RSRC1: variants seen among roughly 807,000 people sequenced by gnomAD.
The protein encoded by RSRC1 is arginine and serine rich coiled-coil 1, also known as serine/Arginine-related protein 53.
RSRC1 carries 39 observed loss-of-function variants against 49.1 expected under a neutral mutation model. The observed-to-expected ratio is 0.79, with a 90% CI of 0.61 to 1.04. RSRC1 has a LOEUF of 1.04. RSRC1 is among the 50% of genes least tolerant of loss of function. The pLI is 0.00. For missense variants in RSRC1, 388 were observed against 402.4 expected (o/e 0.96, Z 0.31); for synonymous variants, 143 against 130.8 (o/e 1.09, Z -0.63).
chr3:158,438,594 G>C (rs945353177), intron 6 of RSRC1, among the ~76,000 whole-genome samples: 2 of 152,174 alleles, frequency 1.3e-5, no homozygotes. Context: ...AATAAATGGT[G>C]CTGGGAAAAC....
At chr3:158,188,172 C>G (rs570720305) in intron 3 of RSRC1, among the ~76,000 whole-genome samples, 40 of 151,920 alleles carry the variant, frequency 2.6e-4, no homozygotes, top group African/African-American at 8.9e-4. Context: ...TCCACTCTGG[C>G]TAGTGGGAAC....
intron 4 of RSRC1, among the ~76,000 whole-genome samples, chr3:158,214,265 T>C (rs965601352): frequency 1.3e-5 from 2 of 151,844 alleles, no homozygotes; most frequent in African/African-American, 4.8e-5. Context: ...TTGTTGAGTT[T>C]ATATTCATAG....
intron 3 of RSRC1, among the ~76,000 whole-genome samples, chr3:158,196,520 A>C (rs1004309853): frequency 6.5e-4 from 99 of 152,292 alleles, no homozygotes; most frequent in East Asian, 1.5e-3. Context: ...TGCCCTGGCC[A>C]GAACTTCTAA....
At chr3:158,228,975 T>C (rs1182466865) in intron 4 of RSRC1, among the ~76,000 whole-genome samples, 2 of 129,796 alleles carry the variant, frequency 1.5e-5, no homozygotes, top group Non-Finnish European at 3.3e-5. Flanking sequence ...CGTGTATATG[T>C]GTGTATAAAC....
rs1230649090 is a variant in RSRC1 at position 158,353,995 on chromosome 3, C to CTTTTTTT, written c.532-847_532-841dup. 5.3e-3 allele frequency among the ~76,000 whole-genome samples: 508 copies of CTTTTTTT among 96,242 alleles called. 1 individual carries two copies. The highest frequency in any genetic ancestry group is 0.01 in the African/African-American group (246 of 24,228). 63.1% of individuals were successfully genotyped at this position (96,242 alleles called of 152,430 possible). On this transcript the variant is annotated intron_variant, in intron 5 of 9. Coordinates refer to ENST00000611884, the MANE Select transcript of RSRC1 (RefSeq NM_001271838.2). ...TAGGAAATTAGTTTAGTTTCTTTTT[C>CTTTTTTT]TTTTTTTTTTTTTTTTTTTTTGAGA... is the stretch of plus-strand genomic sequence containing the variant.
chr3:158,264,579 C>T (rs1041798695), intron 4 of RSRC1, among the ~76,000 whole-genome samples: 1 of 152,212 alleles, frequency 6.6e-6, no homozygotes, highest in Non-Finnish European at 1.5e-5. Context: ...TCCACTTGTT[C>T]TATCAAATAT....
At chr3:158,482,021 A>G (rs2108436936) in intron 7 of RSRC1, among the ~76,000 whole-genome samples, 2 of 152,188 alleles carry the variant, frequency 1.3e-5, no homozygotes, top group African/African-American at 4.8e-5. Context: ...CATTTTGAAA[A>G]TGCAGAATTT....
chr3:158,401,104 T>C (rs141131066), intron 6 of RSRC1, among the ~76,000 whole-genome samples: 2,638 of 152,174 alleles, frequency 0.017, 48 homozygotes, highest in Admixed American at 0.076. Context: ...TAGGCTATAC[T>C]GTATAGCCTA....
At chr3:158,408,757 C>A (rs1291376988) in intron 6 of RSRC1, among the ~76,000 whole-genome samples, 2 of 152,038 alleles carry the variant, frequency 1.3e-5, no homozygotes, top group African/African-American at 2.4e-5. Context: ...CCAGGCCAGG[C>A]GTGGTGGCTC....
At chr3:158,442,823 CAGTA>C (rs1456310855) in intron 6 of RSRC1, among the ~76,000 whole-genome samples, 2 of 151,968 alleles carry the variant, frequency 1.3e-5, no homozygotes, top group African/African-American at 4.8e-5. Context: ...ATTTCTTAAA[CAGTA>C]AGACTTGGAA....
At chr3:158,469,471 T>C (rs1738031144) in intron 7 of RSRC1, 2 of 373,068 alleles carry the variant, frequency 5.4e-6, no homozygotes, top group Non-Finnish European at 1.0e-5. Context: ...CAAAGTCTTA[T>C]ACTATACTTC....
At chr3:158,209,878 A>G (rs1721566925) in intron 4 of RSRC1, among the ~76,000 whole-genome samples, 1 of 152,172 alleles carries the variant, frequency 6.6e-6, no homozygotes, top group Non-Finnish European at 1.5e-5. Context: ...AGTACCATGT[A>G]GTAATCATAC....
intron 7 of RSRC1, among the ~76,000 whole-genome samples, chr3:158,464,825 A>G (rs11923794): frequency 0.013 from 1,956 of 152,170 alleles, 46 homozygotes; most frequent in African/African-American, 0.044. Context: ...GGAGGATAGG[A>G]AACAAAGGCA....
chr3:158,362,069 T>G (rs1337034833), intron 6 of RSRC1, among the ~76,000 whole-genome samples: 1 of 152,210 alleles, frequency 6.6e-6, no homozygotes, highest in Non-Finnish European at 1.5e-5. Flanking sequence ...CCAGACATGG[T>G]GGCTCACTCC....
chr3:158,504,129 C>G (rs1739738822), intron 7 of RSRC1, among the ~76,000 whole-genome samples: 1 of 152,236 alleles, frequency 6.6e-6, no homozygotes, highest in South Asian at 2.1e-4. Flanking sequence ...ACTTCTCCCA[C>G]AAACAGACCT....
chr3:158,425,675 C>A (rs1185978034), intron 6 of RSRC1, among the ~76,000 whole-genome samples: 1 of 151,858 alleles, frequency 6.6e-6, no homozygotes, highest in East Asian at 1.9e-4. Flanking sequence ...CTAATGTTGA[C>A]AGTGGGGTGT....
chr3:158,264,757 G>A (rs1725078233), intron 4 of RSRC1, among the ~76,000 whole-genome samples: 2 of 152,284 alleles, frequency 1.3e-5, no homozygotes, highest in South Asian at 2.1e-4. Flanking sequence ...GTCGAGTAGT[G>A]CTCAGTGTAG....
chr3:158,297,428 G>C (rs1172063239), intron 4 of RSRC1, among the ~76,000 whole-genome samples: 1 of 151,776 alleles, frequency 6.6e-6, no homozygotes, highest in Non-Finnish European at 1.5e-5. Flanking sequence ...GTTTTCTTTG[G>C]TGATATTTTC....
chr3:158,144,352 T>A (rs947275316), intron 3 of RSRC1, among the ~76,000 whole-genome samples: 1 of 152,084 alleles, frequency 6.6e-6, no homozygotes, highest in Non-Finnish European at 1.5e-5. Context: ...TTCTCATTGT[T>A]CAATTCCCAC....
Sources: allele counts gnomAD v4.1 joint callset (sites outside exome capture counted in the v4.1 genomes callset), GRCh38; gene constraint gnomAD v4.1.1; transcripts MANE v1.5; gene names NCBI Gene and HGNC (gene_info 2026-07-23, HGNC 2026-07-21).